The following WDR87 variants were observed in gnomAD, a reference collection of about 807,000 sequenced individuals.
WDR87 encodes the protein WD repeat-containing protein 87.
Under a neutral mutation model 83.3 loss-of-function variants are expected in WDR87, and 56 were observed. That is an observed-to-expected ratio of 0.67 (90% confidence interval 0.54 to 0.84). WDR87 has a LOEUF of 0.84. Among genes scored for constraint, WDR87 ranks in the 40% least tolerant of loss-of-function variants. WDR87 has a pLI of 0.00. For synonymous variants in WDR87, 1,173 were observed against 1,250.6 expected, an observed-to-expected ratio of 0.94 and a Z score of 1.31; for missense variants, 2,939 against 3,431.9, an observed-to-expected ratio of 0.86 and a Z score of 3.59.
In WDR87 at chr19:37,901,426, A is replaced by G. The variant is rs1268077929; in HGVS notation, c.-46-3141T>C. 3.3e-5 allele frequency among the ~76,000 whole-genome samples: 5 copies of G among 152,074 alleles called. No individual in the cohort carries two copies. In the East Asian group the frequency reaches 9.6e-4, roughly 29 times the overall value. Reference sequence around the variant, plus strand: ...AGCCTGGGTGATAGGGCGAGACTCCATCTCAAAAACAAAACAAAACAACAC... The same window carrying G: ...AGCCTGGGTGATAGGGCGAGACTCCGTCTCAAAAACAAAACAAAACAACAC... On this transcript the variant is annotated intron_variant, in intron 1 of 5. Transcript: ENST00000447313.
chr19:37,903,598 T>C lies in WDR87; in HGVS notation c.-47+2901A>G, dbSNP rs150884171. On this transcript the variant is annotated intron_variant, in intron 1 of 5. Transcript: ENST00000447313. Reference sequence around the variant, plus strand: ...AGGCTGGAGTGCAGTGGCATGATCATGGCTCACTGCAGCCTCAACCACTCC... The same window carrying C: ...AGGCTGGAGTGCAGTGGCATGATCACGGCTCACTGCAGCCTCAACCACTCC... Among the ~76,000 whole-genome samples the C allele has an allele frequency of 8.0e-3, 1,204 of 151,412 alleles. 5 individuals carry two copies. The highest frequency in any genetic ancestry group is 0.013 in the South Asian group (64 of 4,760).
chr19:37,889,915 C>T lies in WDR87; in HGVS notation c.3756G>A (p.Gln1252=). 1.3e-6 allele frequency: 2 copies of T among 1,551,592 alleles called. No homozygotes were observed. Among genetic ancestry groups the T allele is most frequent in the Non-Finnish European group, 1.7e-6 (2 of 1,146,992 alleles). ...NEETTPPVME[Q]PVTKKVKIQG... ...GGATTTTAACCTTTTTAGTAACTGG[C>T]TGTTCCATTACAGGAGGTGTAGTTT... The change falls in exon 6 of 6, where the codon CAG becomes CAA. Residue 1252 remains glutamine (Q), a synonymous_variant. Coordinates refer to ENST00000447313, the MANE Select transcript of WDR87 (RefSeq NM_001291088.2).
chr19:37,900,377 A>G (rs2046285571), intron 1 of WDR87, among the ~76,000 whole-genome samples: 1 of 151,950 alleles, frequency 6.6e-6, no homozygotes, highest in Non-Finnish European at 1.5e-5. Context: ...CCTGGCCAAC[A>G]TGGTGAAACC....
At chr19:37,899,827 C>T (rs2046282983) in intron 1 of WDR87, among the ~76,000 whole-genome samples, 1 of 152,160 alleles carries the variant, frequency 6.6e-6, no homozygotes, top group Non-Finnish European at 1.5e-5. Flanking sequence ...CTATGCTGTC[C>T]AGGCTGGTCT....
At chr19:37,897,874 C>T (rs539241203) in intron 2 of WDR87, among the ~76,000 whole-genome samples, 1 of 152,160 alleles carries the variant, frequency 6.6e-6, no homozygotes, top group African/African-American at 2.4e-5. Context: ...GGCGACAGAA[C>T]GAGACTGTGT....
chr19:37,906,446 GT>G (rs2046329952), intron 1 of WDR87, 52 bp downstream of exon 1: 1 of 152,232 alleles, frequency 6.6e-6, no homozygotes, highest in Non-Finnish European at 1.5e-5. Context: ...CCTCCTGCAC[GT>G]GGCAGGGAAG....
Position 37,885,595 on chromosome 19 carries a change from C to G in WDR87, c.8076G>C (p.Gln2692His), listed in dbSNP as rs759967163. 6.4e-7 allele frequency: 1 copy of G among 1,551,742 alleles called. No homozygotes were observed. Among genetic ancestry groups the G allele is most frequent in the South Asian group, 1.2e-5 (1 of 84,060 alleles). Residue 2692 changes from glutamine to histidine, a missense_variant, in exon 6 of 6, where the codon CAG becomes CAC. Around this residue, in one of 3 missense-constraint regions of WDR87, gnomAD observed 2,160 missense variants for 2,533.1 expected, o/e 0.85. Transcript: ENST00000447313. ...GEPYRSERAQ[Q>H]ISIAHKEMEM... ...CCATCTCCTTGTGAGCAATGGATAT[C>G]TGCTGTGCCCTCTCACTTCTGTAAG...
Position 37,885,161 on chromosome 19 carries a change from A to G in WDR87, c.8510T>C (p.Val2837Ala). 1 of 1,466,228 alleles carries G rather than the reference A, an allele frequency of 6.8e-7. No individual in the cohort carries two copies. The highest frequency in any genetic ancestry group is 9.0e-7 in the Non-Finnish European group (1 of 1,109,690). 90.8% of individuals were successfully genotyped at this position (1,466,228 alleles called of 1,614,324 possible). A position where few individuals can be genotyped will look rare whatever the true frequency, so the allele number is the denominator to read the frequency against. Residue 2837 changes from valine to alanine, a missense_variant, in exon 6 of 6, where the codon GTT (valine) becomes GCT (alanine). Around this residue, in one of 3 missense-constraint regions of WDR87, gnomAD observed 2,160 missense variants for 2,533.1 expected, o/e 0.85. Coordinates refer to ENST00000447313, the MANE Select transcript of WDR87 (RefSeq NM_001291088.2). ...GCAGCAGAACAGCCGTTCCCCGGGA[A>G]CTAGCTCTGTGGCTTTTAGGGCCTC... ...YEEALKATEL[V>A]PGERLFCCLF...
chr19:37,887,944 G>A lies in WDR87; in HGVS notation c.5727C>T (p.Ser1909=). 1.9e-6 allele frequency: 3 copies of A among 1,551,286 alleles called. No homozygotes were observed. The highest frequency in any genetic ancestry group is 2.6e-6 in the Non-Finnish European group (3 of 1,146,948). Residue 1909 remains serine (S), a synonymous_variant, in exon 6 of 6, where the codon AGC becomes AGT. Transcript: ENST00000447313. ...TCTTTACTTGCACTAATTGCTTTTT[G>A]CTGTGGGTGAGTCTTTCTTTATTAT... is the stretch of plus-strand genomic sequence containing the variant. ...LLYNKERLTH[S]KKQLVQVKNK...
intron 2 of WDR87, among the ~76,000 whole-genome samples, chr19:37,896,658 G>A (rs1470964039): frequency 6.6e-6 from 1 of 151,906 alleles, no homozygotes; most frequent in Non-Finnish European, 1.5e-5. Flanking sequence ...TCTTTCTGTT[G>A]CCCAGGCTGG....
chr19:37,892,976 C>T lies in WDR87; in HGVS notation c.2727G>A (p.Leu909=). The part of the protein sequence containing the change: ...VLTDGANRSW[L]GRKMSEITIN... Reference sequence around the variant, plus strand: ...TGGTTATTTCACTCATCTTTCTTCCCAGCCAACTTCGGTTTGCTCCATCTG... The same window carrying T: ...TGGTTATTTCACTCATCTTTCTTCCTAGCCAACTTCGGTTTGCTCCATCTG... The change falls in exon 4 of 6, where the codon CTG becomes CTA. Residue 909 remains leucine (L), a synonymous_variant. Coordinates refer to ENST00000447313, the MANE Select transcript of WDR87 (RefSeq NM_001291088.2). 1 of 1,551,918 alleles carries T rather than the reference C, an allele frequency of 6.4e-7. No homozygotes were observed.
chr19:37,889,048 C>T lies in WDR87; in HGVS notation c.4623G>A (p.Lys1541=). The change falls in exon 6 of 6, where the codon AAG becomes AAA. Residue 1541 remains lysine, a synonymous_variant. Coordinates refer to ENST00000447313, the MANE Select transcript of WDR87 (RefSeq NM_001291088.2). ...EEEKLHQAGE[K]LSPEEEMLQE... is the part of the protein sequence containing the mutation. ...GAAGCATTTCCTCCTCCGGGGATAGCTTCTCTCCAGCCTGATGTAGTTTCT... is the reference window on the plus strand; with the variant it reads ...GAAGCATTTCCTCCTCCGGGGATAGTTTCTCTCCAGCCTGATGTAGTTTCT... 6.4e-7 allele frequency: 1 copy of T among 1,552,074 alleles called. No homozygotes were observed. The highest frequency in any genetic ancestry group is 1.4e-5 in the African/African-American group (1 of 73,146).
At chr19:37,900,688 T>C (rs1449311990) in intron 1 of WDR87, among the ~76,000 whole-genome samples, 1 of 151,924 alleles carries the variant, frequency 6.6e-6, no homozygotes, top group East Asian at 1.9e-4. Context: ...CAATGGGAAC[T>C]TGGGACTGGC....
rs1273274692 is a variant in WDR87 at position 37,887,404 on chromosome 19, T to G, written c.6267A>C (p.Arg2089Ser). ...RGQRIFVQGQRKLAKASRKLI... is the reference protein window; with the variant it reads ...RGQRIFVQGQSKLAKASRKLI... ...ACTTCCTTGAAGCCTTGGCTAACTT[T>G]CTTTGCCCCTGGACAAATATTCTCT... Residue 2089 changes from arginine to serine, a missense_variant, in exon 6 of 6, where the codon AGA becomes AGC. Physicochemically the swap from Arg to Ser is moderately radical, Grantham distance 110. Around this residue, in one of 3 missense-constraint regions of WDR87, gnomAD observed 2,160 missense variants for 2,533.1 expected, o/e 0.85. Transcript: ENST00000447313. 1.9e-6 allele frequency: 3 copies of G among 1,551,720 alleles called. No homozygotes were observed. The highest frequency in any genetic ancestry group is 2.4e-5 in the East Asian group (1 of 40,916).
rs1026183963 is a variant in WDR87, at chr19:37,885,154, C to G, written c.8517G>C (p.Gly2839=). ...EALKATELVP[G]ERLFCCLFCG... is the part of the protein sequence containing the mutation. Reference sequence around the variant, plus strand: ...AAAACAGGCAGCAGAACAGCCGTTCCCCGGGAACTAGCTCTGTGGCTTTTA... The same window carrying G: ...AAAACAGGCAGCAGAACAGCCGTTCGCCGGGAACTAGCTCTGTGGCTTTTA... Residue 2839 remains glycine (G), a synonymous_variant, in exon 6 of 6, where the codon GGG becomes GGC. Transcript: ENST00000447313. 1 of 1,463,654 alleles carries G rather than the reference C, an allele frequency of 6.8e-7. No homozygotes were observed. Among genetic ancestry groups the G allele is most frequent in the African/African-American group, 1.4e-5 (1 of 69,934 alleles). The allele number at this position is 1,463,654 out of a possible 1,614,324, so 90.7% of individuals were successfully genotyped here.
In WDR87 at chr19:37,895,038, A is replaced by T; in HGVS notation, c.665T>A (p.Met222Lys). Residue 222 changes from methionine to lysine, a missense_variant, in exon 4 of 6, where the codon ATG becomes AAG. Met to Lys is a moderately conservative substitution (Grantham distance 95, BLOSUM62 -1). This residue lies in a region of WDR87 where 226 missense variants were observed against 320.9 expected (regional missense o/e 0.70). Coordinates refer to ENST00000447313, the MANE Select transcript of WDR87 (RefSeq NM_001291088.2). ...ALCETVVRVL[M>K]HQGKGQLGEV... is the part of the protein sequence containing the mutation. Reference sequence around the variant, plus strand: ...TCCCAGCTGGCCCTTGCCCTGGTGCATAAGGACCCTCACCACCGTCTCACA... The same window carrying T: ...TCCCAGCTGGCCCTTGCCCTGGTGCTTAAGGACCCTCACCACCGTCTCACA... 3.2e-6 allele frequency: 5 copies of T among 1,551,710 alleles called. No homozygotes were observed. Among genetic ancestry groups the T allele is most frequent in the African/African-American group, 1.4e-5 (1 of 73,180 alleles).
chr19:37,891,864 C>T, intron 4 of WDR87, 44 bp from the exon 5 acceptor site: 1 of 1,532,042 alleles, frequency 6.5e-7, no homozygotes, highest in Non-Finnish European at 8.8e-7. Context: ...GAGTCAGGAA[C>T]AAAAGGGAGA....
In WDR87 at chr19:37,894,341, A is replaced by G. The variant is rs781118607; in HGVS notation, c.1362T>C (p.Asn454=). 2 of 1,551,630 alleles carry G rather than the reference A, an allele frequency of 1.3e-6. No individual in the cohort carries two copies. Among genetic ancestry groups the G allele is most frequent in the African/African-American group, 2.7e-5 (2 of 73,012 alleles). ...PAKYLLGTSP[N]SQDFVQCLAY... is the part of the protein sequence containing the mutation. ...CCAGGCATTGTACAAAGTCCTGAGA[A>G]TTTGGTGAGGTGCCTAAGAGATACT... The change falls in exon 4 of 6, where the codon AAT becomes AAC. Residue 454 remains asparagine (N), a synonymous_variant. Coordinates refer to ENST00000447313, the MANE Select transcript of WDR87 (RefSeq NM_001291088.2).
rs1396825387 is a variant in WDR87, at chr19:37,888,334, C to T, written c.5337G>A (p.Gly1779=). Residue 1779 remains glycine (G), a synonymous_variant, in exon 6 of 6, where the codon GGG becomes GGA. Coordinates refer to ENST00000447313, the MANE Select transcript of WDR87 (RefSeq NM_001291088.2). ...GTTTCTTCTTTTCCTCAACCAGTTT[C>T]CCCTCTTCCTGATTCAGTTCCTCTT... ...WKEEELNQEE[G]KLVEEKKKLA... is the part of the protein sequence containing the mutation. The T allele has an allele frequency of 6.4e-6, 10 of 1,551,672 alleles. No individual in the cohort carries two copies. Among genetic ancestry groups the T allele is most frequent in the Non-Finnish European group, 8.7e-6 (10 of 1,147,056 alleles).
Sources: gnomAD v4.1 joint callset for allele counts (sites outside exome capture counted in the v4.1 genomes callset) on GRCh38, gnomAD v4.1.1 for gene constraint, gnomAD v4.1.1 regional missense constraint, MANE v1.5 for transcripts, NCBI Gene and HGNC (gene_info 2026-07-23, HGNC 2026-07-21) for gene names.